Variants in LAMP1 observed in about 807,000 individuals in gnomAD.
LAMP1 encodes the protein lysosome associated membrane protein 1.
Under a neutral mutation model 37.5 loss-of-function variants are expected in LAMP1, and 7 were observed. The ratio of observed to expected loss-of-function variants is 0.19; its 90% CI spans 0.11 to 0.35. LAMP1 has a LOEUF of 0.35. LAMP1 is among the 10% of genes least tolerant of loss of function. The probability of loss-of-function intolerance (pLI) is 1.00; values close to 1 mark genes in which losing one functional copy is unlikely to be tolerated. For synonymous variants in LAMP1, 236 were observed against 229.1 expected (o/e 1.03, Z -0.27); for missense variants, 537 against 552.8 (o/e 0.97, Z 0.29).
chr13:113,323,301 C>T lies in LAMP1; in HGVS notation c.*880C>T, dbSNP rs1057122. On this transcript the variant is annotated 3_prime_UTR_variant, in exon 9 of 9. Transcript: ENST00000332556. ...TGTTGACATTCGGGGTGATCCTGTTCTGCGCTGTGTACAATGTGAGATCGG... is the reference window on the plus strand; with the variant it reads ...TGTTGACATTCGGGGTGATCCTGTTTTGCGCTGTGTACAATGTGAGATCGG... The T allele has an allele frequency of 6.6e-6, 1 of 151,998 alleles. No homozygotes were observed. The allele number at this position is 151,998 out of a possible 1,614,324, so 9.4% of individuals were successfully genotyped here.
intron 4 of LAMP1, among the ~76,000 whole-genome samples, chr13:113,314,293 T>C (rs1379915686): frequency 9.8e-4 from 68 of 69,462 alleles, no homozygotes; most frequent in East Asian, 1.7e-3. Flanking sequence ...TGTGGAGATG[T>C]CGGTGTGCCT....
In LAMP1 at chr13:113,322,445, C is replaced by T; in HGVS notation, c.*24C>T. On this transcript the variant is annotated 3_prime_UTR_variant, in exon 9 of 9. Transcript: ENST00000332556. The stretch of plus-strand genomic sequence containing the variant: ...AGCCTGGTGCACGCAGGCACAGCAG[C>T]TGCAGGGGCCTCTGTTCCTTTCTCT... The T allele has an allele frequency of 6.3e-7, 1 of 1,591,374 alleles. No individual in the cohort carries two copies.
rs565799075 is a variant in LAMP1 at position 113,319,716 on chromosome 13, C to G, written c.750+60C>G. The stretch of plus-strand genomic sequence containing the variant: ...GCACGGTAGGGCTGGAGCCTCTGCT[C>G]CCTGTGCACTGAGAACACGCGTCTC... On this transcript the variant is annotated intron_variant, in intron 5 of 8. Transcript: ENST00000332556. 19 of 1,497,054 alleles carry G rather than the reference C, an allele frequency of 1.3e-5. No homozygotes were observed. The African/African-American group carries it at 2.1e-4, about 16-fold the overall frequency. 92.7% of individuals were successfully genotyped at this position (1,497,054 alleles called of 1,614,324 possible). A position where few individuals can be genotyped will look rare whatever the true frequency, so the allele number is the denominator to read the frequency against.
chr13:113,307,144 TCAA>T (rs955198429), intron 2 of LAMP1, among the ~76,000 whole-genome samples: 7 of 136,350 alleles, frequency 5.1e-5, no homozygotes, highest in Middle Eastern at 3.6e-3. Flanking sequence ...CAGCCTATCA[TCAA>T]CATTTTTCTA....
intron 1 of LAMP1, among the ~76,000 whole-genome samples, chr13:113,302,599 A>T (rs933177125): frequency 2.0e-5 from 3 of 151,172 alleles, no homozygotes; most frequent in South Asian, 2.1e-4. Context: ...AAAAAATTAA[A>T]TTTTTTTTTT....
chr13:113,315,966 GGT>G (rs890479066), intron 4 of LAMP1, among the ~76,000 whole-genome samples: 13 of 152,100 alleles, frequency 8.5e-5, no homozygotes, highest in Non-Finnish European at 1.8e-4. Context: ...AGTCGGGCGT[GGT>G]GGCAGGTGCC....
intron 1 of LAMP1, among the ~76,000 whole-genome samples, chr13:113,298,555 T>C (rs1353005660): frequency 6.6e-6 from 1 of 152,164 alleles, no homozygotes. Context: ...CTTCTTTAAA[T>C]CCCTCAGTCC....
intron 4 of LAMP1, among the ~76,000 whole-genome samples, chr13:113,313,007 C>T (rs2042638681): frequency 6.6e-6 from 1 of 152,216 alleles, no homozygotes; most frequent in African/African-American, 2.4e-5. Context: ...GAAGGGCACG[C>T]ACTCTCTGTC....
At chr13:113,316,189 T>C (rs935253268) in intron 4 of LAMP1, among the ~76,000 whole-genome samples, 4 of 152,132 alleles carry the variant, frequency 2.6e-5, no homozygotes, top group Admixed American at 1.3e-4. Context: ...CAGCCAGATA[T>C]CCATCCAAAC....
rs1282803680 is a variant in LAMP1, at chr13:113,322,538, A to G, written c.*117A>G. On this transcript the variant is annotated 3_prime_UTR_variant, in exon 9 of 9. Coordinates refer to ENST00000332556, the MANE Select transcript of LAMP1 (RefSeq NM_005561.4). Reference sequence around the variant, plus strand: ...ACGTTTCTCAAATCTGCTTCATCCAATGTGAAGTTCATCTTGCAGCATTTA... The same window carrying G: ...ACGTTTCTCAAATCTGCTTCATCCAGTGTGAAGTTCATCTTGCAGCATTTA... The G allele has an allele frequency of 7.5e-6, 7 of 927,672 alleles. No individual in the cohort carries two copies. The highest frequency in any genetic ancestry group is 6.6e-5 in the African/African-American group (4 of 60,406). 57.5% of individuals were successfully genotyped at this position (927,672 alleles called of 1,614,324 possible).
chr13:113,307,637 G>T (rs1241230308), intron 2 of LAMP1, among the ~76,000 whole-genome samples: 2 of 151,886 alleles, frequency 1.3e-5, no homozygotes, highest in East Asian at 3.8e-4. Flanking sequence ...GTATATAAAT[G>T]GTTGGTTGAC....
chr13:113,322,571 C>T lies in LAMP1; in HGVS notation c.*150C>T. On this transcript the variant is annotated 3_prime_UTR_variant, in exon 9 of 9. Transcript: ENST00000332556. ...TTCATCTTGCAGCATTTACTATGCACAACAGAGTAACTATCGAAATGACGG... is the reference window on the plus strand; with the variant it reads ...TTCATCTTGCAGCATTTACTATGCATAACAGAGTAACTATCGAAATGACGG... 1.6e-6 allele frequency: 1 copy of T among 627,368 alleles called. No homozygotes were observed. The highest frequency in any genetic ancestry group is 3.1e-5 in the East Asian group (1 of 32,202). 38.9% of individuals were successfully genotyped at this position (627,368 alleles called of 1,614,324 possible).
chr13:113,321,385 G>T lies in LAMP1; in HGVS notation c.877-19G>T, dbSNP rs1428546434. The T allele has an allele frequency of 1.9e-6, 3 of 1,595,942 alleles. No individual in the cohort carries two copies. The highest frequency in any genetic ancestry group is 3.3e-4 in the Middle Eastern group (2 of 6,066). Reference sequence around the variant, plus strand: ...TCTATGAATCTGCTCCGTGATTAAAGATCATTTTTCTTTTTAAGAATGCAA... The same window carrying T: ...TCTATGAATCTGCTCCGTGATTAAATATCATTTTTCTTTTTAAGAATGCAA... On this transcript the variant is annotated intron_variant, in intron 6 of 8. Transcript: ENST00000332556. This position sits in a 1 kb window ranked among gnomAD's most constrained non-coding sequence, Gnocchi z 5.6.
chr13:113,317,584 C>T (rs758420180), intron 4 of LAMP1, among the ~76,000 whole-genome samples: 10 of 152,098 alleles, frequency 6.6e-5, no homozygotes, highest in South Asian at 2.1e-4. Context: ...TTTTTCTGTG[C>T]GTCGTGTGGC....
intron 1 of LAMP1, 138 bp from the exon 2 acceptor site, chr13:113,306,347 C>A: frequency 1.1e-6 from 1 of 870,276 alleles, no homozygotes; most frequent in Non-Finnish European, 1.6e-6. Flanking sequence ...CAGTGAGACT[C>A]CGTCTCAAAA....
At chr13:113,305,659 G>A (rs955685288) in intron 1 of LAMP1, 1 of 152,246 alleles carries the variant, frequency 6.6e-6, no homozygotes, top group Non-Finnish European at 1.5e-5. Flanking sequence ...CCACCGATGT[G>A]TAGTGCTGTG....
chr13:113,320,836 C>T lies in LAMP1; in HGVS notation c.876+366C>T, dbSNP rs1413152411. On this transcript the variant is annotated intron_variant, in intron 6 of 8. Transcript: ENST00000332556. This position sits in a 1 kb window ranked among gnomAD's most constrained non-coding sequence, Gnocchi z 4.4. ...TAAGACATGAAGCATATAATTGTCA[C>T]TTGTCAGTCTTTTTAAATCGCTGTG... 1 of 246,544 alleles carries T rather than the reference C, an allele frequency of 4.1e-6. No individual in the cohort carries two copies. The highest frequency in any genetic ancestry group is 7.9e-6 in the Non-Finnish European group (1 of 126,882). The allele number at this position is 246,544 out of a possible 1,614,324, so 15.3% of individuals were successfully genotyped here.
rs1181819377 is a variant in LAMP1 at position 113,310,857 on chromosome 13, C to T, written c.552C>T (p.Phe184=). Residue 184 remains phenylalanine, a synonymous_variant, in exon 4 of 9, where the codon TTC becomes TTT. Transcript: ENST00000332556. ...AGGCGTACCTTTCCAACAGCAGCTT[C>T]AGCCGGGGAGGTAGGACGCTGACCC... ...TIQAYLSNSS[F]SRGETRCEQD... The T allele has an allele frequency of 2.5e-6, 4 of 1,613,390 alleles. No homozygotes were observed. Among genetic ancestry groups the T allele is most frequent in the South Asian group, 1.1e-5 (1 of 90,980 alleles).
intron 4 of LAMP1, among the ~76,000 whole-genome samples, chr13:113,314,034 G>C (rs1403226923): frequency 8.8e-6 from 1 of 113,564 alleles, no homozygotes; most frequent in Non-Finnish European, 1.8e-5. Context: ...GCCTCCTAGA[G>C]GGAGTCAGTG....
Sources: gnomAD v4.1 joint callset for allele counts (sites outside exome capture counted in the v4.1 genomes callset) on GRCh38, gnomAD v4.1.1 for gene constraint, Gnocchi (gnomAD v3.1) non-coding constraint, MANE v1.5 for transcripts, NCBI Gene and HGNC (gene_info 2026-07-23, HGNC 2026-07-21) for gene names.